FOXP2: variants seen among roughly 807,000 people sequenced by gnomAD.
The protein encoded by FOXP2 is forkhead box P2.
A neutral mutation model predicts 115.8 loss-of-function variants in FOXP2; 12 were observed. The ratio of observed to expected loss-of-function variants is 0.10; its 90% confidence interval spans 0.07 to 0.17. The LOEUF (loss-of-function observed/expected upper bound fraction) is 0.17, where lower values mean the gene tolerates loss of function less well. Among genes scored for constraint, FOXP2 ranks in the 10% least tolerant of loss-of-function variants. FOXP2 has a pLI of 1.00. For synonymous variants in FOXP2, 328 were observed against 297.7 expected, an observed-to-expected ratio of 1.10 and a Z score of -1.05; for missense variants, 629 against 843.5, an observed-to-expected ratio of 0.75 and a Z score of 3.15.
intron 2 of FOXP2, among the ~76,000 whole-genome samples, chr7:114,295,258 A>G (rs924746385): frequency 6.6e-6 from 1 of 152,208 alleles, no homozygotes; most frequent in Admixed American, 6.5e-5. Flanking sequence ...CATATCAAGT[A>G]TGAACCAGCA....
Position 114,405,413 on chromosome 7 carries a change from C to T in FOXP2, c.-10-21089C>T, listed in dbSNP as rs571288285. On this transcript the variant is annotated intron_variant, in intron 2 of 17. Transcript: ENST00000634411. ...GTAATATCTATTAATTACACACTTC[C>T]CATTTGACGTTCATGTATATTGGAC... Among the ~76,000 whole-genome samples the T allele has an allele frequency of 2.0e-5, 3 of 151,858 alleles. No individual in the cohort carries two copies. In the South Asian group the frequency reaches 6.2e-4, roughly 32 times the overall value.
At chr7:114,468,277 A>G (rs1286622266) in intron 2 of FOXP2, among the ~76,000 whole-genome samples, 1 of 152,096 alleles carries the variant, frequency 6.6e-6, no homozygotes, top group Non-Finnish European at 1.5e-5. Context: ...GTTTGCCCGT[A>G]TCTATTCAAT....
At chr7:114,394,397 A>G (rs1792688784) in intron 2 of FOXP2, among the ~76,000 whole-genome samples, 1 of 143,142 alleles carries the variant, frequency 7.0e-6, no homozygotes, top group South Asian at 2.2e-4. Flanking sequence ...GAATCTATAC[A>G]CACACACACA....
intron 2 of FOXP2, among the ~76,000 whole-genome samples, chr7:114,533,106 TA>T (rs1002095822): frequency 3.3e-5 from 5 of 152,024 alleles, no homozygotes; most frequent in African/African-American, 1.2e-4. Flanking sequence ...CTTGAAAAGT[TA>T]AAAAACAACA....
Position 114,242,539 on chromosome 7 carries a change from AG to A in FOXP2, c.-101-45479del, listed in dbSNP as rs1223437088. Reference sequence around the variant, plus strand: ...TCATAACCATTATTAATTGGACTAGAGATCATCCTCCAGGATTGACAACTGA... The same window carrying A: ...TCATAACCATTATTAATTGGACTAGAATCATCCTCCAGGATTGACAACTGA... On this transcript the variant is annotated intron_variant, in intron 1 of 17. Transcript: ENST00000634411. Among the ~76,000 whole-genome samples, 26 of 152,242 alleles carry A rather than the reference AG, an allele frequency of 1.7e-4. 1 individual carries two copies. The highest frequency in any genetic ancestry group is 6.2e-4 in the South Asian group (3 of 4,828).
intron 2 of FOXP2, among the ~76,000 whole-genome samples, chr7:114,435,845 A>G (rs749360686): frequency 1.3e-5 from 2 of 152,140 alleles, no homozygotes; most frequent in Non-Finnish European, 2.9e-5. Context: ...GGCTGTCAGA[A>G]GTTTTGACTT....
rs1554426475 is a variant in FOXP2, at chr7:114,176,298, T to TC, written c.-102+13210_-102+13211insC. On this transcript the variant is annotated intron_variant, in intron 1 of 17. Coordinates refer to the FOXP2 transcript ENST00000634411. ...TTTCTTTCTTTCTTTCTTTCTTTCT[T>TC]TCTCTCTCTCTCTCTCTCTCTCTTT... Among the ~76,000 whole-genome samples the TC allele has an allele frequency of 2.3e-3, 173 of 76,574 alleles. 2 individuals carry two copies. The highest frequency in any genetic ancestry group is 0.016 in the East Asian group (32 of 2,054). The allele number at this position is 76,574 out of a possible 152,430, so 50.2% of individuals were successfully genotyped here.
intron 2 of FOXP2, among the ~76,000 whole-genome samples, chr7:114,453,714 G>T (rs1795165453): frequency 6.6e-6 from 1 of 151,886 alleles, no homozygotes; most frequent in East Asian, 1.9e-4. Flanking sequence ...CTTTTTGTGG[G>T]AATCTGTTTC....
chr7:114,284,613 A>C lies in FOXP2; in HGVS notation c.-101-3406A>C, dbSNP rs907899682. Among the ~76,000 whole-genome samples the C allele has an allele frequency of 2.0e-5, 3 of 152,270 alleles. No individual in the cohort carries two copies. In the South Asian group the frequency reaches 6.2e-4, roughly 32 times the overall value. ...GGAATGCTTATACGTTGTTGGTGGAAGTGTAAATTAGTTCAACCATTATAG... is the reference window on the plus strand; with the variant it reads ...GGAATGCTTATACGTTGTTGGTGGACGTGTAAATTAGTTCAACCATTATAG... On this transcript the variant is annotated intron_variant, in intron 1 of 17. Coordinates refer to the FOXP2 transcript ENST00000634411.
At chr7:114,318,189 T>A (rs1797318967) in intron 2 of FOXP2, among the ~76,000 whole-genome samples, 1 of 152,178 alleles carries the variant, frequency 6.6e-6, no homozygotes, top group East Asian at 1.9e-4. Flanking sequence ...ATGTGGACTG[T>A]TTGCGGAGTG....
At chr7:114,558,590 G>C (rs1030360348) in intron 3 of FOXP2, among the ~76,000 whole-genome samples, 1 of 151,966 alleles carries the variant, frequency 6.6e-6, no homozygotes, top group African/African-American at 2.4e-5. Flanking sequence ...AATACATCAG[G>C]GGGTCAGACA....
chr7:114,104,863 G>A (rs6958349), intron 1 of FOXP2, among the ~76,000 whole-genome samples: 13,192 of 151,940 alleles, frequency 0.087, 1,120 homozygotes, highest in East Asian at 0.49. Flanking sequence ...ATTGTAAAAT[G>A]TTATCATGAT....
intron 1 of FOXP2, among the ~76,000 whole-genome samples, chr7:114,179,238 A>G (rs1355212601): frequency 6.6e-6 from 1 of 151,974 alleles, no homozygotes; most frequent in Non-Finnish European, 1.5e-5. Context: ...TTTTAAATCT[A>G]GCAATATTTG....
chr7:114,306,181 G>A (rs75920393), intron 2 of FOXP2, among the ~76,000 whole-genome samples: 12,372 of 152,136 alleles, frequency 0.081, 1,263 homozygotes, highest in African/African-American at 0.24. Context: ...CCCTACTTAC[G>A]TGTAATAAGT....
At chr7:114,342,946 A>G (rs1791252101) in intron 2 of FOXP2, among the ~76,000 whole-genome samples, 1 of 151,622 alleles carries the variant, frequency 6.6e-6, no homozygotes, top group Non-Finnish European at 1.5e-5. Flanking sequence ...GAAATCTAAA[A>G]ATGCTTAAAA....
At chr7:114,555,329 C>T (rs1445717522) in intron 3 of FOXP2, among the ~76,000 whole-genome samples, 1 of 152,116 alleles carries the variant, frequency 6.6e-6, no homozygotes, top group Non-Finnish European at 1.5e-5. Context: ...GCCTTTTACT[C>T]CTTTGTTACA....
chr7:114,287,793 G>A (rs971177381), intron 1 of FOXP2, among the ~76,000 whole-genome samples: 1 of 151,828 alleles, frequency 6.6e-6, no homozygotes, highest in East Asian at 1.9e-4. Flanking sequence ...TGTCTCCGTG[G>A]CCTTTGCTTT....
At chr7:114,418,025 C>T (rs771553194) in intron 1 of FOXP2, among the ~76,000 whole-genome samples, 1 of 151,844 alleles carries the variant, frequency 6.6e-6, no homozygotes, top group South Asian at 2.1e-4. Context: ...TCTGTGCATT[C>T]AGATTTTTGT....
At chr7:114,476,294 T>C (rs544884781) in intron 2 of FOXP2, among the ~76,000 whole-genome samples, 1 of 152,130 alleles carries the variant, frequency 6.6e-6, no homozygotes, top group African/African-American at 2.4e-5. Context: ...AGTTAATTTT[T>C]GTAAATAGTG....
Sources: gnomAD v4.1 joint callset for allele counts (sites outside exome capture counted in the v4.1 genomes callset) on GRCh38, gnomAD v4.1.1 for gene constraint, MANE v1.5 for transcripts, NCBI Gene and HGNC (gene_info 2026-07-23, HGNC 2026-07-21) for gene names.